CEP72: variants seen among roughly 807,000 people sequenced by gnomAD.
CEP72 encodes the protein centrosomal protein of 72 kDa.
In CEP72, 78 loss-of-function variants were observed where a neutral mutation model predicts 65.7. The ratio of observed to expected loss-of-function variants is 1.19; its 90% CI spans 0.99 to 1.43. The LOEUF is 1.43. Ranked by LOEUF, CEP72 falls within the 40% of genes most tolerant of loss-of-function variation. The pLI, the probability that CEP72 is intolerant of heterozygous loss-of-function variation, is 0.00. For synonymous variants in CEP72, 358 were observed against 351.7 expected (o/e 1.02, Z -0.20); for missense variants, 914 against 832.9 (o/e 1.10, Z -1.20).
At chr5:662,937 G>T (rs878877753) in intron 1 of CEP72, 6 of 144,242 alleles carry the variant, frequency 4.2e-5, no homozygotes, top group African/African-American at 1.7e-4. Flanking sequence ...GTCTGTGATC[G>T]GGTGAGTCCG....
In CEP72 at chr5:639,234, G is replaced by A; in HGVS notation, c.1342+10G>A. 1 of 1,561,284 alleles carries A rather than the reference G, an allele frequency of 6.4e-7. No individual in the cohort carries two copies. Among genetic ancestry groups the A allele is most frequent in the African/African-American group, 1.4e-5 (1 of 73,642 alleles). On this transcript the variant is annotated intron_variant, in intron 8 of 11. Coordinates refer to ENST00000264935, the MANE Select transcript of CEP72 (RefSeq NM_018140.4). ...AACGAGGCATTCCTTGGTGAGTCAG[G>A]GCGGCCACTGCTCTTGCCCTGTAGG...
At chr5:658,460 A>G (rs111709219), downstream of CEP72, among the ~76,000 whole-genome samples, 13 of 152,070 alleles carry the variant, frequency 8.5e-5, no homozygotes, top group East Asian at 3.9e-4. Context: ...GCCATTCTTC[A>G]TATTCGTTAT....
At position 635,431 on chromosome 5, in the gene CEP72, C is replaced by G. The variant is rs764646510; in HGVS notation, c.751C>G (p.Gln251Glu). 1 of 1,614,140 alleles carries G rather than the reference C, an allele frequency of 6.2e-7. No homozygotes were observed. Among genetic ancestry groups the G allele is most frequent in the South Asian group, 1.1e-5 (1 of 91,084 alleles). Residue 251 changes from glutamine to glutamate, a missense_variant, in exon 6 of 12, where the codon CAG (glutamine) becomes GAG (glutamate). Transcript: ENST00000264935. ...GTACCAGTGTGGGGACTCTGGGAAGCAGGGCCGTGAGACGAGGAGGAGCAG... is the reference window on the plus strand; with the variant it reads ...GTACCAGTGTGGGGACTCTGGGAAGGAGGGCCGTGAGACGAGGAGGAGCAG... ...VQYQCGDSGKQGRETRRSSCR... is the reference protein window; with the variant it reads ...VQYQCGDSGKEGRETRRSSCR...
At chr5:647,144 T>C (rs796362937) in intron 10 of CEP72, among the ~76,000 whole-genome samples, 35 of 152,346 alleles carry the variant, frequency 2.3e-4, no homozygotes, top group African/African-American at 8.4e-4. Context: ...GCCATCCGTG[T>C]CACCATCACC....
At chr5:675,270 AGCCCAGGGGGTTCAGT>A in the CEP72 span, among the ~76,000 whole-genome samples, 1 of 74,066 alleles carries the variant, frequency 1.4e-5, no homozygotes, top group African/African-American at 6.4e-5. Context: ...CCGGGGGTGC[AGCCCAGGGGGTTCAGT>A]GTGGCCAGGG....
intron 11 of CEP72, among the ~76,000 whole-genome samples, chr5:649,970 G>T (rs1738857194): frequency 2.3e-5 from 1 of 44,318 alleles, no homozygotes. Flanking sequence ...GGCGTGGACT[G>T]TGAGGTGTGA....
chr5:642,623 C>T lies in CEP72; in HGVS notation c.1540-1676C>T, dbSNP rs1230071815. On this transcript the variant is annotated intron_variant, in intron 9 of 11. Coordinates refer to ENST00000264935, the MANE Select transcript of CEP72 (RefSeq NM_018140.4). ...GCTGCCGTGGACGCCTGCTTTTTTG[C>T]CCTCTGCAGTTTGCCTAACCCCTGC... The T allele has an allele frequency of 3.0e-6, 3 of 985,348 alleles. No individual in the cohort carries two copies. In the African/African-American group the frequency reaches 5.2e-5, roughly 17 times the overall value. 61.0% of individuals were successfully genotyped at this position (985,348 alleles called of 1,614,324 possible).
chr5:625,829 G>A (rs1434503424), intron 4 of CEP72, among the ~76,000 whole-genome samples: 1 of 152,106 alleles, frequency 6.6e-6, no homozygotes, highest in Non-Finnish European at 1.5e-5. Flanking sequence ...GCTCTCACAG[G>A]CCGTCTTCCC....
chr5:672,546 G>C, the CEP72 span, among the ~76,000 whole-genome samples: 1 of 152,254 alleles, frequency 6.6e-6, no homozygotes, highest in Non-Finnish European at 1.5e-5. Flanking sequence ...TGGACCCATA[G>C]GGGGCCAGTG....
chr5:650,242 TG>T (rs765666412), intron 11 of CEP72, among the ~76,000 whole-genome samples: 400 of 43,720 alleles, frequency 9.1e-3, no homozygotes, highest in Middle Eastern at 0.021. Flanking sequence ...CTGTGAGGCG[TG>T]GACTGTGAGG....
At chr5:665,945 C>T (rs769730869) in exon 4 of CEP72, 20 of 1,507,604 alleles carry the variant, frequency 1.3e-5, no homozygotes, top group African/African-American at 9.1e-5. Flanking sequence ...CTCCAGGCCC[C>T]GCCTTCCATC....
chr5:669,756 G>A (rs74954605), downstream of CEP72, among the ~76,000 whole-genome samples: 349 of 152,174 alleles, frequency 2.3e-3, 2 homozygotes, highest in African/African-American at 7.8e-3. Context: ...AAGGGCGCCC[G>A]GGTCTCTGCC....
rs1450619971 is a variant in CEP72, at chr5:633,774, A to G, written c.518A>G (p.His173Arg). The G allele has an allele frequency of 1.9e-6, 3 of 1,613,958 alleles. No homozygotes were observed. The highest frequency in any genetic ancestry group is 2.5e-6 in the Non-Finnish European group (3 of 1,179,998). The change falls in exon 5 of 12, where the codon CAC becomes CGC. Residue 173 changes from histidine (H) to arginine (R), a missense_variant. By Grantham distance (29) the His-to-Arg change is conservative (BLOSUM62 0). Coordinates refer to ENST00000264935, the MANE Select transcript of CEP72 (RefSeq NM_018140.4). ...VPASLKEGRP[H>R]HPRAKCTEAL... The stretch of plus-strand genomic sequence containing the variant: ...GAGTTTGCTTTTCCTTACAGACCAC[A>G]CCACCCCAGAGCCAAGTGCACCGAG...
the CEP72 span, among the ~76,000 whole-genome samples, chr5:673,251 T>C: frequency 3.3e-5 from 5 of 152,276 alleles, no homozygotes; most frequent in East Asian, 1.9e-4. Context: ...GTGGCCCTGC[T>C]CCTCTCTCTT....
intron 9 of CEP72, chr5:641,664 C>T: frequency 7.1e-6 from 7 of 985,190 alleles, no homozygotes; most frequent in Non-Finnish European, 8.4e-6. Flanking sequence ...ATCTGGAAGC[C>T]TCTGTATTTA....
chr5:665,483 G>T (rs1739858214), intron 3 of CEP72, among the ~76,000 whole-genome samples: 1 of 152,030 alleles, frequency 6.6e-6, no homozygotes. Context: ...CCTTGGGCCT[G>T]CGGGGTGCCA....
downstream of CEP72, among the ~76,000 whole-genome samples, chr5:667,964 G>A (rs56891355): frequency 9.8e-5 from 4 of 40,992 alleles, 1 homozygote; most frequent in African/African-American, 1.4e-3. Flanking sequence ...TCAGGGAAGT[G>A]CGGACAAGCA....
Position 666,039 on chromosome 5 carries a change from G to T in CEP72, n.532G>T, listed in dbSNP as rs761937617. 1.9e-6 allele frequency: 3 copies of T among 1,611,272 alleles called. No individual in the cohort carries two copies. In the African/African-American group the frequency reaches 4.0e-5, roughly 22 times the overall value. On this transcript the variant is annotated non_coding_transcript_exon_variant, in exon 4 of 5. Transcript: ENST00000514507. ...GCACCTCGCGAACGGCCTCCTCGCT[G>T]CTCTTGTCTTTGAATCGCTTCTTGG...
Position 623,265 on chromosome 5 carries a change from C to T in CEP72, c.404-1206C>T, listed in dbSNP as rs918198109. On this transcript the variant is annotated intron_variant, in intron 3 of 11. Transcript: ENST00000264935. This position sits in a 1 kb window ranked among gnomAD's most constrained non-coding sequence, Gnocchi z 5.3. The stretch of plus-strand genomic sequence containing the variant: ...ATGTGAGAGATGCTTCCTGCAGTGG[C>T]GCTGGCAGTCAGAGGCGCTGCGGGA... Among the ~76,000 whole-genome samples, 2 of 152,236 alleles carry T rather than the reference C, an allele frequency of 1.3e-5. No homozygotes were observed. Among genetic ancestry groups the T allele is most frequent in the East Asian group, 1.9e-4 (1 of 5,198 alleles).
Sources: gnomAD v4.1 joint callset for allele counts (sites outside exome capture counted in the v4.1 genomes callset) on GRCh38, gnomAD v4.1.1 for gene constraint, Gnocchi (gnomAD v3.1) non-coding constraint, MANE v1.5 for transcripts, NCBI Gene and HGNC (gene_info 2026-07-23, HGNC 2026-07-21) for gene names.